The following DRC11 variants were observed in gnomAD, a reference collection of about 807,000 sequenced individuals.
DRC11 encodes the protein IQ and AAA domain-containing protein 1.
chr2:236,329,249 C>T, the DRC11 span, among the ~76,000 whole-genome samples: 5 of 152,220 alleles, frequency 3.3e-5, no homozygotes, highest in Non-Finnish European at 5.9e-5. Context: ...CAGCCTTAAT[C>T]CCCCTGTGCC....
chr2:236,467,457 T>A, the DRC11 span, among the ~76,000 whole-genome samples: 7 of 152,366 alleles, frequency 4.6e-5, no homozygotes, highest in East Asian at 1.3e-3. Context: ...GTTACGTGTA[T>A]CATTTGGATT....
At chr2:236,441,134 A>G in the DRC11 span, 5 of 1,525,084 alleles carry the variant, frequency 3.3e-6, no homozygotes, top group South Asian at 4.8e-5. Context: ...TCTGCAGGAA[A>G]AAAAATAGCA....
At chr2:236,449,994 C>T in the DRC11 span, among the ~76,000 whole-genome samples, 3 of 152,188 alleles carry the variant, frequency 2.0e-5, no homozygotes, top group African/African-American at 4.8e-5. This position sits in a 1 kb window ranked among gnomAD's most constrained non-coding sequence, Gnocchi z 5.1. Flanking sequence ...AGAAGCTGTC[C>T]ACCTGGATTA....
the DRC11 span, chr2:236,454,726 T>C: frequency 4.6e-5 from 7 of 152,210 alleles, no homozygotes; most frequent in Admixed American, 1.3e-4. This position sits in a 1 kb window ranked among gnomAD's most constrained non-coding sequence, Gnocchi z 5.3. Context: ...TTCAGGTGGT[T>C]TCCTTTGATG....
the DRC11 span, among the ~76,000 whole-genome samples, chr2:236,426,020 G>A: frequency 3.3e-5 from 5 of 151,924 alleles, no homozygotes; most frequent in Non-Finnish European, 5.9e-5. The surrounding 1 kb of genome is among the most constrained non-coding windows in gnomAD (Gnocchi z 4.1). Flanking sequence ...GTATCACGCT[G>A]TTTTGCTTTC....
At chr2:236,325,674 C>G in the DRC11 span, among the ~76,000 whole-genome samples, 4 of 151,752 alleles carry the variant, frequency 2.6e-5, no homozygotes, top group African/African-American at 9.7e-5. This position sits in a 1 kb window ranked among gnomAD's most constrained non-coding sequence, Gnocchi z 4.4. Flanking sequence ...GTGATCTCAG[C>G]TCACTGCAAC....
the DRC11 span, among the ~76,000 whole-genome samples, chr2:236,357,018 T>C: frequency 7.5e-6 from 1 of 133,070 alleles, no homozygotes; most frequent in African/African-American, 2.8e-5. Context: ...TCATATATTA[T>C]ATATCTATAT....
chr2:236,314,547 A>T, the DRC11 span, among the ~76,000 whole-genome samples: 1 of 152,244 alleles, frequency 6.6e-6, no homozygotes, highest in South Asian at 2.1e-4. The surrounding 1 kb of genome is among the most constrained non-coding windows in gnomAD (Gnocchi z 4.5). Context: ...CAATATGCCT[A>T]TGGACGTTTA....
chr2:236,346,377 C>T, the DRC11 span, among the ~76,000 whole-genome samples: 1 of 152,190 alleles, frequency 6.6e-6, no homozygotes, highest in Admixed American at 6.5e-5. Context: ...TAACAATGAA[C>T]CATTGTTATC....
the DRC11 span, among the ~76,000 whole-genome samples, chr2:236,315,224 C>A: frequency 6.6e-6 from 1 of 152,294 alleles, no homozygotes; most frequent in Admixed American, 6.5e-5. This position sits in a 1 kb window ranked among gnomAD's most constrained non-coding sequence, Gnocchi z 5.1. Flanking sequence ...GGGAAAAGAA[C>A]AGTCTTTTCA....
chr2:236,383,666 CTTTT>C, the DRC11 span, among the ~76,000 whole-genome samples: 2 of 143,308 alleles, frequency 1.4e-5, no homozygotes, highest in African/African-American at 2.5e-5. Context: ...TTTAAAACAA[CTTTT>C]TTTTTTATTA....
chr2:236,382,414 GC>G, the DRC11 span, among the ~76,000 whole-genome samples: 1 of 152,152 alleles, frequency 6.6e-6, no homozygotes, highest in Non-Finnish European at 1.5e-5. Context: ...TTTCAAAATT[GC>G]TTTAGTTATT....
At chr2:236,406,902 C>T in the DRC11 span, among the ~76,000 whole-genome samples, 2 of 152,072 alleles carry the variant, frequency 1.3e-5, no homozygotes, top group Admixed American at 6.6e-5. This position sits in a 1 kb window ranked among gnomAD's most constrained non-coding sequence, Gnocchi z 4.7. Flanking sequence ...CCCACCACCA[C>T]GCCTGGCTAA....
chr2:236,423,132 T>C, the DRC11 span, among the ~76,000 whole-genome samples: 4 of 151,634 alleles, frequency 2.6e-5, no homozygotes, highest in East Asian at 7.7e-4. Flanking sequence ...ATTCAGGACA[T>C]AGGCATGGGC....
chr2:236,383,431 T>C, the DRC11 span, among the ~76,000 whole-genome samples: 2 of 152,158 alleles, frequency 1.3e-5, no homozygotes, highest in Non-Finnish European at 2.9e-5. Context: ...ATCTATTCTC[T>C]ATTTCATGGA....
chr2:236,494,471 GT>G, the DRC11 span, among the ~76,000 whole-genome samples: 2 of 152,052 alleles, frequency 1.3e-5, no homozygotes, highest in African/African-American at 4.8e-5. The surrounding 1 kb of genome is among the most constrained non-coding windows in gnomAD (Gnocchi z 4.2). Flanking sequence ...ACCAGTGGGG[GT>G]TCAGATGAAA....
chr2:236,504,057 T>G, the DRC11 span, among the ~76,000 whole-genome samples: 1 of 152,106 alleles, frequency 6.6e-6, no homozygotes, highest in Non-Finnish European at 1.5e-5. The surrounding 1 kb of genome is among the most constrained non-coding windows in gnomAD (Gnocchi z 5.0). Flanking sequence ...CCAGAACATT[T>G]TCATCACTGG....
At chr2:236,354,374 A>G in the DRC11 span, among the ~76,000 whole-genome samples, 1 of 151,414 alleles carries the variant, frequency 6.6e-6, no homozygotes. Flanking sequence ...TGGTGCTAGT[A>G]ACAGGAACAT....
the DRC11 span, among the ~76,000 whole-genome samples, chr2:236,445,586 T>C: frequency 6.6e-6 from 1 of 151,970 alleles, no homozygotes; most frequent in East Asian, 1.9e-4. This position sits in a 1 kb window ranked among gnomAD's most constrained non-coding sequence, Gnocchi z 4.8. Context: ...GTGATCCGCC[T>C]ACCCCAGCCT....
Sources: gnomAD v4.1 joint callset for allele counts (sites outside exome capture counted in the v4.1 genomes callset) on GRCh38, gnomAD v4.1.1 for gene constraint, Gnocchi (gnomAD v3.1) non-coding constraint, MANE v1.5 for transcripts, NCBI Gene and HGNC (gene_info 2026-07-23, HGNC 2026-07-21) for gene names.